The following MCU variants were observed in gnomAD, a reference collection of about 807,000 sequenced individuals.
The protein encoded by MCU is calcium uniporter protein, mitochondrial.
In MCU, 12 loss-of-function variants were observed where a neutral mutation model predicts 45.2. That is an observed-to-expected ratio of 0.27 (90% CI 0.17 to 0.43). MCU has a LOEUF of 0.43. Among genes scored for constraint, MCU ranks in the 20% least tolerant of loss-of-function variants. The probability of loss-of-function intolerance (pLI) is 1.00; values close to 1 mark genes in which losing one functional copy is unlikely to be tolerated. For missense variants in MCU, 324 were observed against 436.7 expected (o/e 0.74, Z 2.30); for synonymous variants, 160 against 165.1 (o/e 0.97, Z 0.24).
intron 1 of MCU, chr10:72,760,659 A>T (rs1379731163): frequency 6.6e-6 from 1 of 150,650 alleles, no homozygotes; most frequent in Non-Finnish European, 1.5e-5. Context: ...CATCCTGAAT[A>T]GCTAGTACTA....
At chr10:72,735,941 C>T (rs1843247073) in intron 1 of MCU, among the ~76,000 whole-genome samples, 1 of 152,062 alleles carries the variant, frequency 6.6e-6, no homozygotes, top group African/African-American at 2.4e-5. Flanking sequence ...CTGTCATTTC[C>T]CATGTTATGT....
intron 1 of MCU, among the ~76,000 whole-genome samples, chr10:72,792,701 T>TC (rs1217479833): frequency 1.7e-4 from 3 of 18,034 alleles, no homozygotes; most frequent in South Asian, 2.6e-3. Flanking sequence ...CCCTCTCCCC[T>TC]CCCCCCCACC....
chr10:72,715,445 G>C (rs983828077), intron 1 of MCU, among the ~76,000 whole-genome samples: 1 of 152,038 alleles, frequency 6.6e-6, no homozygotes, highest in Non-Finnish European at 1.5e-5. Flanking sequence ...ACACCCTAAG[G>C]GATAATATAT....
intron 1 of MCU, among the ~76,000 whole-genome samples, chr10:72,803,738 A>G (rs1589468975): frequency 6.6e-6 from 1 of 151,764 alleles, no homozygotes; most frequent in Non-Finnish European, 1.5e-5. Context: ...TTTTGCACAC[A>G]CACAAAATAC....
chr10:72,815,344 T>C (rs1844609044), intron 1 of MCU, among the ~76,000 whole-genome samples: 1 of 152,208 alleles, frequency 6.6e-6, no homozygotes, highest in Non-Finnish European at 1.5e-5. Context: ...AAGTAATATT[T>C]AGAGGTATAA....
chr10:72,727,848 T>A (rs1843120743), intron 1 of MCU, among the ~76,000 whole-genome samples: 1 of 151,762 alleles, frequency 6.6e-6, no homozygotes. Context: ...GTATGAAGAA[T>A]GAATCAGATC....
intron 1 of MCU, among the ~76,000 whole-genome samples, chr10:72,706,709 G>T (rs1669021030): frequency 6.6e-6 from 1 of 151,304 alleles, no homozygotes; most frequent in South Asian, 2.1e-4. Context: ...GCTAATTTTT[G>T]TACTTGTAGT....
chr10:72,809,603 T>C (rs967635023), intron 1 of MCU, among the ~76,000 whole-genome samples: 3 of 152,204 alleles, frequency 2.0e-5, no homozygotes, highest in African/African-American at 7.2e-5. Flanking sequence ...GTATATTTGA[T>C]AGAGCTATTC....
At chr10:72,822,450 A>G (rs1289585229) in intron 1 of MCU, among the ~76,000 whole-genome samples, 2 of 152,342 alleles carry the variant, frequency 1.3e-5, no homozygotes, top group East Asian at 3.9e-4. Flanking sequence ...CACAAAATGG[A>G]CAAATTCCTA....
intron 1 of MCU, among the ~76,000 whole-genome samples, chr10:72,780,932 G>C (rs1000631963): frequency 2.6e-5 from 4 of 152,042 alleles, no homozygotes; most frequent in African/African-American, 7.2e-5. Flanking sequence ...GTTTTAATTT[G>C]GTGACATTGT....
At chr10:72,694,315 T>C (rs1830402655) in intron 1 of MCU, among the ~76,000 whole-genome samples, 1 of 152,180 alleles carries the variant, frequency 6.6e-6, no homozygotes, top group Non-Finnish European at 1.5e-5. Context: ...TTAAAAGATA[T>C]TGAGGCCCTA....
chr10:72,750,649 A>G (rs936978074), intron 1 of MCU, among the ~76,000 whole-genome samples: 1 of 152,188 alleles, frequency 6.6e-6, no homozygotes, highest in Non-Finnish European at 1.5e-5. Context: ...TGAAGTCTAT[A>G]TTTAATAAAA....
intron 6 of MCU, among the ~76,000 whole-genome samples, chr10:72,872,375 A>G (rs1455104751): frequency 1.3e-5 from 2 of 152,092 alleles, no homozygotes; most frequent in African/African-American, 4.8e-5. Flanking sequence ...ATTTTGTACC[A>G]TTAACTAACT....
intron 1 of MCU, among the ~76,000 whole-genome samples, chr10:72,740,124 G>A (rs1360560216): frequency 6.6e-6 from 1 of 151,666 alleles, no homozygotes; most frequent in Non-Finnish European, 1.5e-5. Flanking sequence ...GCTCACGCCT[G>A]TAATCCCAGC....
chr10:72,870,383 A>T (rs977158089), intron 5 of MCU, among the ~76,000 whole-genome samples: 3 of 151,914 alleles, frequency 2.0e-5, no homozygotes, highest in African/African-American at 7.3e-5. Flanking sequence ...GGTTCACGCC[A>T]TTCTCCTGCC....
chr10:72,834,460 AATATT>A (rs1844926595), intron 2 of MCU, 32 bp downstream of exon 2: 1 of 1,572,312 alleles, frequency 6.4e-7, no homozygotes, highest in Non-Finnish European at 8.7e-7. Flanking sequence ...TTTTATGTCT[AATATT>A]ATTTCCTTCT....
At chr10:72,710,672 T>G (rs1346094483) in intron 1 of MCU, among the ~76,000 whole-genome samples, 2 of 151,480 alleles carry the variant, frequency 1.3e-5, no homozygotes, top group Non-Finnish European at 2.9e-5. Context: ...ATGTCATGTC[T>G]ATAAAAAGTA....
intron 1 of MCU, among the ~76,000 whole-genome samples, chr10:72,817,321 T>C (rs907096151): frequency 4.6e-5 from 7 of 152,216 alleles, no homozygotes; most frequent in Non-Finnish European, 7.3e-5. Flanking sequence ...TTTCATCACA[T>C]GTCATTTCCT....
chr10:72,726,246 C>T (rs1191423800), intron 1 of MCU, among the ~76,000 whole-genome samples: 1 of 92,562 alleles, frequency 1.1e-5, no homozygotes, highest in African/African-American at 5.1e-5. Flanking sequence ...ACTTCAGGCA[C>T]ACACACACAC....
Sources: allele counts gnomAD v4.1 joint callset (sites outside exome capture counted in the v4.1 genomes callset), GRCh38; gene constraint gnomAD v4.1.1; transcripts MANE v1.5; gene names NCBI Gene and HGNC (gene_info 2026-07-23, HGNC 2026-07-21).